The following CNTNAP2 variants were observed in gnomAD, a reference collection of about 807,000 sequenced individuals.
The protein encoded by CNTNAP2 is contactin associated protein 2.
CNTNAP2 carries 98 observed loss-of-function variants against 155.2 expected under a neutral mutation model. The observed-to-expected ratio is 0.63, with a 90% CI of 0.54 to 0.75. The LOEUF is 0.75. Ranked by LOEUF, CNTNAP2 falls within the 30% of genes least tolerant of loss-of-function variation. The pLI is 0.00. For synonymous variants in CNTNAP2, 651 were observed against 631.2 expected, an observed-to-expected ratio of 1.03 and a Z score of -0.47; for missense variants, 1,727 against 1,688.1, an observed-to-expected ratio of 1.02 and a Z score of -0.40.
intron 9 of CNTNAP2, among the ~76,000 whole-genome samples, chr7:147,392,422 T>A (rs1796735368): frequency 6.6e-6 from 1 of 152,060 alleles, no homozygotes; most frequent in Admixed American, 6.6e-5. Flanking sequence ...GAGTAAGTTC[T>A]TTCGTGGTGA....
At chr7:148,346,750 C>T (rs921877353) in intron 21 of CNTNAP2, among the ~76,000 whole-genome samples, 1 of 146,486 alleles carries the variant, frequency 6.8e-6, no homozygotes. Context: ...CCAGCCTGGG[C>T]AACAAGAGTG....
chr7:147,593,103 G>T (rs1019240982), intron 12 of CNTNAP2, among the ~76,000 whole-genome samples: 19 of 151,964 alleles, frequency 1.3e-4, no homozygotes, highest in Admixed American at 5.9e-4. Context: ...TACCCTTGAG[G>T]CAACCTTGCA....
chr7:146,701,188 C>T (rs965112819), intron 1 of CNTNAP2, among the ~76,000 whole-genome samples: 4 of 152,128 alleles, frequency 2.6e-5, no homozygotes, highest in East Asian at 1.9e-4. Context: ...TGCACAAGGC[C>T]GATGTTCTGC....
chr7:147,265,232 A>C (rs1416473234), intron 8 of CNTNAP2, among the ~76,000 whole-genome samples: 6 of 152,192 alleles, frequency 3.9e-5, no homozygotes, highest in Non-Finnish European at 8.8e-5. Flanking sequence ...ATACATGTGC[A>C]GGACGTGCAG....
intron 8 of CNTNAP2, among the ~76,000 whole-genome samples, chr7:147,170,659 G>A (rs1802208763): frequency 6.6e-6 from 1 of 152,180 alleles, no homozygotes; most frequent in Admixed American, 6.5e-5. Context: ...CAACCCTGCA[G>A]TGCCAGAACC....
chr7:147,858,499 G>T (rs889777799), intron 13 of CNTNAP2, among the ~76,000 whole-genome samples: 1 of 152,224 alleles, frequency 6.6e-6, no homozygotes, highest in Non-Finnish European at 1.5e-5. Flanking sequence ...TTATTGAGAT[G>T]TTGTTTAATA....
chr7:148,169,287 A>G (rs1476886082), intron 17 of CNTNAP2, among the ~76,000 whole-genome samples: 1 of 152,232 alleles, frequency 6.6e-6, no homozygotes, highest in African/African-American at 2.4e-5. Context: ...ATGAATACAA[A>G]AAGGCACTGA....
chr7:146,294,972 TATAAA>T (rs1800489725), intron 1 of CNTNAP2, among the ~76,000 whole-genome samples: 1 of 152,206 alleles, frequency 6.6e-6, no homozygotes, highest in African/African-American at 2.4e-5. Flanking sequence ...ACCAATTAAT[TATAAA>T]ATATAGAGAT....
chr7:147,577,494 C>T (rs1480761283), intron 12 of CNTNAP2, among the ~76,000 whole-genome samples: 1 of 151,772 alleles, frequency 6.6e-6, no homozygotes, highest in East Asian at 2.0e-4. Context: ...CTCTCTAAAT[C>T]ACTCCTATCT....
chr7:147,911,076 G>A (rs1451044075), intron 14 of CNTNAP2, among the ~76,000 whole-genome samples: 1 of 151,534 alleles, frequency 6.6e-6, no homozygotes, highest in Non-Finnish European at 1.5e-5. Context: ...TTTTTATCTA[G>A]CAAAACTGAA....
chr7:147,410,040 A>G (rs1006460196), intron 10 of CNTNAP2, among the ~76,000 whole-genome samples: 3 of 152,256 alleles, frequency 2.0e-5, no homozygotes, highest in Non-Finnish European at 4.4e-5. Flanking sequence ...TGATTCAGCC[A>G]TCCCATTACT....
Position 147,781,351 on chromosome 7 carries a change from G to C in CNTNAP2, c.2099-122214G>C, listed in dbSNP as rs1302575108. Among the ~76,000 whole-genome samples, 5 of 152,102 alleles carry C rather than the reference G, an allele frequency of 3.3e-5. 1 individual carries two copies. Among genetic ancestry groups the C allele is most frequent in the Non-Finnish European group, 5.9e-5 (4 of 68,032 alleles). On this transcript the variant is annotated intron_variant, in intron 13 of 23. Coordinates refer to ENST00000361727, the MANE Select transcript of CNTNAP2 (RefSeq NM_014141.6). Reference sequence around the variant, plus strand: ...TTTGTCCCTTTTGCCTGTGGTAATGGCAAATAAGTCACCTAACTCCCTGGG... The same window carrying C: ...TTTGTCCCTTTTGCCTGTGGTAATGCCAAATAAGTCACCTAACTCCCTGGG...
At chr7:147,802,566 G>A (rs192129571) in intron 13 of CNTNAP2, among the ~76,000 whole-genome samples, 2,146 of 152,272 alleles carry the variant, frequency 0.014, 57 homozygotes, top group African/African-American at 0.048. Context: ...TCGCGGTTAC[G>A]AGCTGGAGAC....
chr7:147,880,203 G>A (rs190577250), intron 13 of CNTNAP2, among the ~76,000 whole-genome samples: 1 of 152,110 alleles, frequency 6.6e-6, no homozygotes, highest in Non-Finnish European at 1.5e-5. Context: ...ACAGGCACAC[G>A]GCCACACCTG....
At position 146,966,722 on chromosome 7, in the gene CNTNAP2, C is replaced by T. The variant is rs566439424; in HGVS notation, c.403-77185C>T. ...CAAATGTACTCAGGAAAAGATGATG[C>T]TTGATTATTCATTAGCAGGGTTTGA... On this transcript the variant is annotated intron_variant, in intron 3 of 23. Coordinates refer to ENST00000361727, the MANE Select transcript of CNTNAP2 (RefSeq NM_014141.6). Among the ~76,000 whole-genome samples, 3 of 152,234 alleles carry T rather than the reference C, an allele frequency of 2.0e-5. No individual in the cohort carries two copies. In the South Asian group the frequency reaches 6.2e-4, roughly 32 times the overall value.
At chr7:147,187,274 A>G (rs1435824117) in intron 8 of CNTNAP2, among the ~76,000 whole-genome samples, 1 of 152,170 alleles carries the variant, frequency 6.6e-6, no homozygotes, top group African/African-American at 2.4e-5. Flanking sequence ...TTGGGGGCAT[A>G]AAGATAGAGA....
chr7:147,546,527 G>C (rs1799736840), intron 11 of CNTNAP2, among the ~76,000 whole-genome samples: 1 of 152,116 alleles, frequency 6.6e-6, no homozygotes, highest in African/African-American at 2.4e-5. Context: ...CGTTTACTTA[G>C]TTATTGTAAC....
At chr7:146,454,693 C>A (rs1000799757) in intron 1 of CNTNAP2, among the ~76,000 whole-genome samples, 1 of 151,354 alleles carries the variant, frequency 6.6e-6, no homozygotes, top group African/African-American at 2.4e-5. Context: ...GATTGCATTG[C>A]TGAACTGTAA....
intron 21 of CNTNAP2, among the ~76,000 whole-genome samples, chr7:148,379,559 A>G (rs1799006253): frequency 6.6e-6 from 1 of 152,078 alleles, no homozygotes; most frequent in African/African-American, 2.4e-5. Context: ...ACTAAAAAAA[A>G]AAATTAGTCG....
Sources: gnomAD v4.1 joint callset for allele counts (sites outside exome capture counted in the v4.1 genomes callset) on GRCh38, gnomAD v4.1.1 for gene constraint, MANE v1.5 for transcripts, NCBI Gene and HGNC (gene_info 2026-07-23, HGNC 2026-07-21) for gene names.